Variants in GPR158 observed in about 807,000 individuals in gnomAD.
GPR158 encodes G protein-coupled receptor 158.
A neutral mutation model predicts 78.2 loss-of-function variants in GPR158; 30 were observed. The ratio of observed to expected loss-of-function variants is 0.38; its 90% confidence interval spans 0.29 to 0.52. GPR158 has a LOEUF of 0.52. GPR158 is among the 20% of genes least tolerant of loss of function. The pLI is 0.83. For missense variants in GPR158, 1,463 were observed against 1,523.5 expected (o/e 0.96, Z 0.66); for synonymous variants, 581 against 591.1 (o/e 0.98, Z 0.25).
chr10:25,357,022 A>G (rs1855564120), intron 2 of GPR158, among the ~76,000 whole-genome samples: 1 of 152,042 alleles, frequency 6.6e-6, no homozygotes, highest in Admixed American at 6.6e-5. Context: ...TCTCAAATGG[A>G]GATGAGGAAC....
intron 5 of GPR158, among the ~76,000 whole-genome samples, chr10:25,543,019 A>T (rs1489804135): frequency 6.6e-6 from 1 of 152,170 alleles, no homozygotes; most frequent in East Asian, 1.9e-4. Context: ...TGTTATTGAA[A>T]TTGAAATCTT....
At chr10:25,211,018 G>C (rs1373454279) in intron 1 of GPR158, among the ~76,000 whole-genome samples, 1 of 152,072 alleles carries the variant, frequency 6.6e-6, no homozygotes. Flanking sequence ...TGTAGTCCCA[G>C]CTACTCGGGA....
At position 25,192,737 on chromosome 10, in the gene GPR158, A is replaced by G. The variant is rs929535291; in HGVS notation, c.902+16415A>G. 3.3e-5 allele frequency among the ~76,000 whole-genome samples: 5 copies of G among 152,094 alleles called. No homozygotes were observed. The East Asian group carries it at 9.6e-4, about 29-fold the overall frequency. The stretch of plus-strand genomic sequence containing the variant: ...CAATTATTCAAATTTTTGAGGGCGC[A>G]CATGTACCCTAAAACTTGAAGTATA... On this transcript the variant is annotated intron_variant, in intron 1 of 10. Transcript: ENST00000376351.
At chr10:25,521,940 G>C (rs1836282290) in intron 5 of GPR158, among the ~76,000 whole-genome samples, 1 of 152,226 alleles carries the variant, frequency 6.6e-6, no homozygotes, top group African/African-American at 2.4e-5. Flanking sequence ...GAGGCACTGT[G>C]GGTGAAAGGA....
At chr10:25,218,233 G>A (rs991783672) in intron 1 of GPR158, among the ~76,000 whole-genome samples, 58 of 152,186 alleles carry the variant, frequency 3.8e-4, no homozygotes, top group Admixed American at 1.2e-3. Flanking sequence ...AAGAAGCCTC[G>A]TTGATTTCCC....
At chr10:25,430,524 A>G (rs1425273911) in intron 4 of GPR158, among the ~76,000 whole-genome samples, 1 of 149,672 alleles carries the variant, frequency 6.7e-6, no homozygotes, top group Non-Finnish European at 1.5e-5. Context: ...TAAAGTTCAT[A>G]TGGAACCAAA....
chr10:25,186,833 A>G (rs1291447808), intron 1 of GPR158, among the ~76,000 whole-genome samples: 2 of 152,198 alleles, frequency 1.3e-5, no homozygotes, highest in Non-Finnish European at 2.9e-5. Flanking sequence ...AAACTATTCC[A>G]ATCAGTAGAA....
chr10:25,422,268 C>T (rs566406171), intron 4 of GPR158, among the ~76,000 whole-genome samples: 12 of 152,280 alleles, frequency 7.9e-5, no homozygotes, highest in African/African-American at 2.9e-4. Flanking sequence ...ACCCCTGGGG[C>T]TGCACAGCAG....
At chr10:25,284,753 T>G (rs77977079) in intron 2 of GPR158, among the ~76,000 whole-genome samples, 3,220 of 152,088 alleles carry the variant, frequency 0.021, 120 homozygotes, top group African/African-American at 0.074. Context: ...CCTCCAATAT[T>G]GTCTTTTTAT....
intron 6 of GPR158, among the ~76,000 whole-genome samples, chr10:25,551,349 T>C (rs1365614279): frequency 1.3e-5 from 2 of 152,196 alleles, no homozygotes; most frequent in Non-Finnish European, 2.9e-5. Context: ...AAGTTTAAAA[T>C]ATGAAACAGT....
chr10:25,546,787 G>A (rs1024926821), intron 5 of GPR158, among the ~76,000 whole-genome samples: 6 of 152,162 alleles, frequency 3.9e-5, no homozygotes, highest in South Asian at 2.1e-4. Context: ...GGGGAGGCAT[G>A]TTCTTTCTAG....
intron 4 of GPR158, among the ~76,000 whole-genome samples, chr10:25,417,827 T>C (rs1206826432): frequency 1.3e-5 from 2 of 152,154 alleles, no homozygotes; most frequent in Non-Finnish European, 2.9e-5. Context: ...GCACCTAAGC[T>C]AGAATCTGAG....
chr10:25,585,019 G>T (rs1837248040), intron 7 of GPR158, among the ~76,000 whole-genome samples: 1 of 152,218 alleles, frequency 6.6e-6, no homozygotes, highest in South Asian at 2.1e-4. Context: ...ATATTGTCCA[G>T]TGGGAGGTCC....
chr10:25,447,945 G>T (rs2130597194), intron 4 of GPR158, among the ~76,000 whole-genome samples: 1 of 152,282 alleles, frequency 6.6e-6, no homozygotes. Context: ...CCCCTTGGCA[G>T]TCAGTCCCAC....
chr10:25,332,839 T>C (rs1420520261), intron 2 of GPR158, among the ~76,000 whole-genome samples: 1 of 152,210 alleles, frequency 6.6e-6, no homozygotes, highest in East Asian at 1.9e-4. Context: ...TAAGGAAAGA[T>C]AGTTATTCTC....
intron 2 of GPR158, among the ~76,000 whole-genome samples, chr10:25,252,734 A>T (rs1486306234): frequency 6.6e-6 from 1 of 152,168 alleles, no homozygotes; most frequent in Non-Finnish European, 1.5e-5. Flanking sequence ...AGACAGGGAC[A>T]TTTAAGTCTG....
At chr10:25,267,435 A>G (rs1299240052) in intron 2 of GPR158, among the ~76,000 whole-genome samples, 1 of 152,168 alleles carries the variant, frequency 6.6e-6, no homozygotes, top group African/African-American at 2.4e-5. Context: ...AACTGCCCCC[A>G]TGATTCAGTG....
At chr10:25,557,661 C>T (rs1564489206) in intron 6 of GPR158, among the ~76,000 whole-genome samples, 2 of 152,308 alleles carry the variant, frequency 1.3e-5, no homozygotes, top group East Asian at 3.9e-4. Context: ...TCAGGGATTT[C>T]TGCCATGAGT....
rs920411160 is a variant in GPR158, at chr10:25,596,493, CTCTA to C, written c.1999-136_1999-133del. On this transcript the variant is annotated intron_variant, in intron 9 of 10. Transcript: ENST00000376351. ...TGTTTGTCTGTCTGTGTCTCTCTCT[CTCTA>C]TCTATCTATCTATATATATAGATAG... 7.9e-4 allele frequency: 447 copies of C among 563,210 alleles called. 3 individuals carry two copies. The East Asian group carries it at 0.011, about 14-fold the overall frequency. The allele number at this position is 563,210 out of a possible 1,614,324, so 34.9% of individuals were successfully genotyped here.
Sources: allele counts gnomAD v4.1 joint callset (sites outside exome capture counted in the v4.1 genomes callset), GRCh38; gene constraint gnomAD v4.1.1; transcripts MANE v1.5; gene names NCBI Gene and HGNC (gene_info 2026-07-23, HGNC 2026-07-21).